ZNF160: variants seen among roughly 807,000 people sequenced by gnomAD.
ZNF160 encodes zinc finger protein 160, also known as KRAB zinc finger protein KR18.
Under a neutral mutation model 13.1 loss-of-function variants are expected in ZNF160, and 9 were observed. The observed-to-expected ratio is 0.69, with a 90% CI of 0.41 to 1.20. ZNF160 has a LOEUF of 1.20. Ranked by LOEUF, ZNF160 falls within the 50% of genes most tolerant of loss-of-function variation. The pLI, the probability that ZNF160 is intolerant of heterozygous loss-of-function variation, is 0.01. For missense variants in ZNF160, 838 were observed against 988.0 expected (o/e 0.85, Z 2.04); for synonymous variants, 293 against 333.2 (o/e 0.88, Z 1.31).
chr19:53,102,946 G>A (rs2085500601), intron 1 of ZNF160, among the ~76,000 whole-genome samples: 1 of 152,124 alleles, frequency 6.6e-6, no homozygotes. Flanking sequence ...TTAGGACAGG[G>A]GTGGGATGTG....
At chr19:53,103,054 G>A (rs1018393232) in intron 1 of ZNF160, among the ~76,000 whole-genome samples, 1 of 152,188 alleles carries the variant, frequency 6.6e-6, no homozygotes, top group African/African-American at 2.4e-5. Context: ...GAGGCGCCCA[G>A]GGCAGGCGGT....
intron 3 of ZNF160, among the ~76,000 whole-genome samples, chr19:53,080,084 T>C (rs1227183922): frequency 6.6e-6 from 1 of 150,820 alleles, no homozygotes; most frequent in Non-Finnish European, 1.5e-5. Context: ...GGATTTAAAA[T>C]CAAGGTACAA....
At chr19:53,089,980 A>G (rs2084974445) in intron 2 of ZNF160, among the ~76,000 whole-genome samples, 1 of 150,878 alleles carries the variant, frequency 6.6e-6, no homozygotes, top group African/African-American at 2.4e-5. Context: ...CAAACTTTTC[A>G]TTGTCCCAAT....
chr19:53,073,640 G>T, intron 5 of ZNF160: 1 of 1,244,846 alleles, frequency 8.0e-7, no homozygotes, highest in Non-Finnish European at 1.1e-6. Context: ...CAGAGGGAGA[G>T]ACCAAGAAAG....
At position 53,068,156 on chromosome 19, in the gene ZNF160, TCA is replaced by T; in HGVS notation, c.2376_2377del (p.Asn792LysfsTer43). 1 of 1,614,190 alleles carries T rather than the reference TCA, an allele frequency of 6.2e-7. No homozygotes were observed. Among genetic ancestry groups the T allele is most frequent in the South Asian group, 1.1e-5 (1 of 91,086 alleles). ...ACTCTGCCTGAAGACCTTGCCACACTCATTACATTTGTAACGCTTTTCTCCAG... is the reference window on the plus strand; with the variant it reads ...ACTCTGCCTGAAGACCTTGCCACACTTTACATTTGTAACGCTTTTCTCCAG... On this transcript the variant is annotated frameshift_variant, in exon 6 of 6. Coordinates refer to ENST00000683776, the MANE Select transcript of ZNF160 (RefSeq NM_001322131.2). LOFTEE classifies it low-confidence loss of function (END_TRUNC).
chr19:53,082,251 CT>C (rs570490590), intron 3 of ZNF160, among the ~76,000 whole-genome samples: 143 of 152,124 alleles, frequency 9.4e-4, no homozygotes, highest in Non-Finnish European at 1.7e-3. Context: ...CGTGTACCCC[CT>C]GAATCTAAAA....
chr19:53,068,928 G>T lies in ZNF160; in HGVS notation c.1606C>A (p.Pro536Thr), dbSNP rs989666411. 6 of 1,613,754 alleles carry T rather than the reference G, an allele frequency of 3.7e-6. No individual in the cohort carries two copies. In the African/African-American group the frequency reaches 4.0e-5, roughly 11 times the overall value. Residue 536 changes from proline to threonine, a missense_variant, in exon 6 of 6, where the codon CCT becomes ACT. Physicochemically the swap from Pro to Thr is conservative, Grantham distance 38 (BLOSUM62 -1). This residue lies in a region of ZNF160 where 400 missense variants were observed against 538.9 expected (regional missense o/e 0.74). Transcript: ENST00000683776. Reference sequence around the variant, plus strand: ...TTGCCACATTCAATACATTTGTAAGGTTTCTCTCCAGAATGGATTGCCTGA... The same window carrying T: ...TTGCCACATTCAATACATTTGTAAGTTTTCTCTCCAGAATGGATTGCCTGA... ...THQAIHSGEKPYKCIECGKSF... is the reference protein window; with the variant it reads ...THQAIHSGEKTYKCIECGKSF...
chr19:53,082,504 C>T (rs1469107125), intron 3 of ZNF160, among the ~76,000 whole-genome samples: 1 of 152,028 alleles, frequency 6.6e-6, no homozygotes, highest in African/African-American at 2.4e-5. Context: ...AATGAAACCT[C>T]ATCTCTACAA....
intron 2 of ZNF160, among the ~76,000 whole-genome samples, chr19:53,090,868 G>A (rs2085009476): frequency 6.6e-6 from 1 of 152,230 alleles, no homozygotes; most frequent in Non-Finnish European, 1.5e-5. Context: ...ACAAGGCACA[G>A]GGTGGGAAGT....
intron 5 of ZNF160, chr19:53,073,610 G>A: frequency 7.2e-7 from 1 of 1,392,228 alleles, no homozygotes; most frequent in Non-Finnish European, 9.4e-7. Flanking sequence ...TAAGAACTGA[G>A]CACCATATGG....
At chr19:53,079,933 C>A (rs75672040) in intron 3 of ZNF160, among the ~76,000 whole-genome samples, 1 of 151,742 alleles carries the variant, frequency 6.6e-6, no homozygotes, top group Non-Finnish European at 1.5e-5. Context: ...TTTTTAGCAA[C>A]GACAACAAAA....
chr19:53,088,021 A>T (rs2084906498), intron 2 of ZNF160, among the ~76,000 whole-genome samples: 1 of 152,186 alleles, frequency 6.6e-6, no homozygotes. Flanking sequence ...AGAAGTACGG[A>T]AAGGCAGTGG....
At chr19:53,086,940 G>A (rs1323542704) in intron 2 of ZNF160, among the ~76,000 whole-genome samples, 1 of 152,194 alleles carries the variant, frequency 6.6e-6, no homozygotes, top group Non-Finnish European at 1.5e-5. Context: ...CCAGGATCCA[G>A]ACTGGATATT....
chr19:53,078,790 A>G (rs2084507626), intron 3 of ZNF160, among the ~76,000 whole-genome samples: 1 of 120,570 alleles, frequency 8.3e-6, no homozygotes, highest in South Asian at 2.7e-4. Flanking sequence ...AGGCAACTGG[A>G]GCAGCAATCA....
intron 3 of ZNF160, chr19:53,085,286 G>T: frequency 1.2e-6 from 1 of 859,450 alleles, no homozygotes. Context: ...ATTCACTGAG[G>T]AATTTGTTTA....
chr19:53,098,057 T>C (rs903878222), intron 1 of ZNF160, among the ~76,000 whole-genome samples: 1 of 152,216 alleles, frequency 6.6e-6, no homozygotes, highest in Admixed American at 6.5e-5. Flanking sequence ...AATTCCTGCA[T>C]GCAAATCTCT....
intron 3 of ZNF160, 72 bp from the exon 4 acceptor site, chr19:53,075,255 A>G (rs2084343589): frequency 6.3e-7 from 1 of 1,577,596 alleles, no homozygotes; most frequent in East Asian, 2.2e-5. Context: ...GGAGAAGAGG[A>G]GAAAAATGTG....
At chr19:53,091,885 A>T (rs1351237575) in intron 1 of ZNF160, among the ~76,000 whole-genome samples, 165 bp from the exon 2 acceptor site, 3 of 152,256 alleles carry the variant, frequency 2.0e-5, no homozygotes, top group African/African-American at 4.8e-5. Flanking sequence ...GGACAGCGTC[A>T]ACCTCGGTTC....
chr19:53,094,131 C>G (rs1378751488), intron 1 of ZNF160, among the ~76,000 whole-genome samples: 5 of 152,130 alleles, frequency 3.3e-5, no homozygotes, highest in African/African-American at 7.2e-5. Context: ...CAAAGGTAAC[C>G]CAGAAATTTA....
Sources: gnomAD v4.1 joint callset for allele counts (sites outside exome capture counted in the v4.1 genomes callset) on GRCh38, gnomAD v4.1.1 for gene constraint, gnomAD v4.1.1 regional missense constraint, MANE v1.5 for transcripts, NCBI Gene and HGNC (gene_info 2026-07-23, HGNC 2026-07-21) for gene names.